EHBP1: variants seen among roughly 807,000 people sequenced by gnomAD.
EHBP1 encodes EH domain-binding protein 1.
A neutral mutation model predicts 144.0 loss-of-function variants in EHBP1; 55 were observed. That is an observed-to-expected ratio of 0.38 (90% confidence interval 0.31 to 0.48). EHBP1 has a LOEUF of 0.48. EHBP1 is among the 20% of genes least tolerant of loss of function. The pLI, the probability that EHBP1 is intolerant of heterozygous loss-of-function variation, is 0.98. For missense variants in EHBP1, 1,200 were observed against 1,364.2 expected, an observed-to-expected ratio of 0.88 and a Z score of 1.90; for synonymous variants, 469 against 472.7, an observed-to-expected ratio of 0.99 and a Z score of 0.10.
rs116661423 is a variant in EHBP1, at chr2:62,810,395, T to G, written c.313-15692T>G. 3.6e-3 allele frequency among the ~76,000 whole-genome samples: 541 copies of G among 152,266 alleles called. 4 individuals carry two copies. The highest frequency in any genetic ancestry group is 0.012 in the African/African-American group (507 of 41,554). ...AGGCTTGCTTGAATTTAGGGAGAAG[T>G]GACAGTAGAGATGGGAAGAAGAGTC... On this transcript the variant is annotated intron_variant, in intron 5 of 22. Transcript: ENST00000431489.
chr2:62,982,178 G>T (rs560694490), intron 15 of EHBP1, among the ~76,000 whole-genome samples: 5 of 152,272 alleles, frequency 3.3e-5, no homozygotes, highest in Admixed American at 6.5e-5. Context: ...GAAATTCAAT[G>T]ATTCATATAC....
chr2:62,987,838 A>G (rs779095204), intron 15 of EHBP1: 5 of 662,258 alleles, frequency 7.5e-6, no homozygotes, highest in Non-Finnish European at 9.8e-6. Context: ...TTGAATAACT[A>G]TACTAAAATA....
chr2:62,926,632 ATC>A (rs1187931467), intron 10 of EHBP1, among the ~76,000 whole-genome samples: 2 of 152,176 alleles, frequency 1.3e-5, no homozygotes, highest in African/African-American at 4.8e-5. Context: ...ACAAAGAGAT[ATC>A]TCTTTCCAGT....
At chr2:62,877,613 A>G (rs777856482) in intron 10 of EHBP1, among the ~76,000 whole-genome samples, 3 of 152,222 alleles carry the variant, frequency 2.0e-5, no homozygotes, top group Admixed American at 6.5e-5. Context: ...CAATTCTCAA[A>G]AAATTCAATA....
chr2:63,029,343 GT>G (rs1203682026), intron 19 of EHBP1, among the ~76,000 whole-genome samples: 12 of 151,714 alleles, frequency 7.9e-5, no homozygotes, highest in African/African-American at 1.2e-4. Context: ...TATAGACTTT[GT>G]TATGGGAGCC....
intron 5 of EHBP1, among the ~76,000 whole-genome samples, chr2:62,803,322 G>A (rs910440971): frequency 6.6e-6 from 1 of 152,004 alleles, no homozygotes; most frequent in African/African-American, 2.4e-5. Flanking sequence ...TCAGTCAAAA[G>A]GGACAGTTAT....
intron 10 of EHBP1, among the ~76,000 whole-genome samples, chr2:62,932,600 A>G (rs769002583): frequency 5.9e-5 from 9 of 152,192 alleles, no homozygotes; most frequent in Non-Finnish European, 7.3e-5. Flanking sequence ...AAAATCAGAA[A>G]GTTCTGGAGA....
intron 2 of EHBP1, among the ~76,000 whole-genome samples, chr2:62,735,188 C>A (rs1261466866): frequency 1.3e-5 from 2 of 152,194 alleles, no homozygotes; most frequent in Non-Finnish European, 2.9e-5. Context: ...AACCACCATT[C>A]CTGGCCCCTT....
intron 10 of EHBP1, among the ~76,000 whole-genome samples, chr2:62,885,763 C>T (rs921769603): frequency 9.2e-5 from 14 of 152,078 alleles, no homozygotes; most frequent in Admixed American, 6.6e-5. Flanking sequence ...AAAAGAGCCC[C>T]ACCGTACATT....
intron 13 of EHBP1, among the ~76,000 whole-genome samples, chr2:62,951,932 T>C (rs1392960061): frequency 6.6e-6 from 1 of 152,206 alleles, no homozygotes; most frequent in Non-Finnish European, 1.5e-5. Context: ...TCAGTAAGCC[T>C]GGAATCTCGT....
At chr2:62,972,963 T>G (rs923277252) in intron 14 of EHBP1, among the ~76,000 whole-genome samples, 69 of 152,342 alleles carry the variant, frequency 4.5e-4, no homozygotes, top group African/African-American at 1.6e-3. Context: ...CATTTGCATT[T>G]TTTTCTATTG....
rs754655343 is a variant in EHBP1 at position 62,979,320 on chromosome 2, T to C, written c.2593T>C (p.Ser865Pro). ...GGCTGCAGAAAAGTTGAAAGAAAGG[T>C]CAAAGGCATCTGGAGGTGAGTTAAA... ...EMAAEKLKER[S>P]KASGEQNSKL... The change falls in exon 15 of 23, where the codon TCA becomes CCA. Residue 865 changes from serine (S) to proline (P), a missense_variant. Around this residue, in one of 6 missense-constraint regions of EHBP1, gnomAD observed 543 missense variants for 513.1 expected, o/e 1.06. Transcript: ENST00000431489. 2.2e-5 allele frequency: 36 copies of C among 1,613,652 alleles called. No individual in the cohort carries two copies. The highest frequency in any genetic ancestry group is 2.9e-5 in the Non-Finnish European group (34 of 1,179,824).
chr2:62,991,399 A>G (rs1004714705), intron 16 of EHBP1, among the ~76,000 whole-genome samples: 8 of 152,188 alleles, frequency 5.3e-5, no homozygotes, highest in Non-Finnish European at 7.4e-5. Context: ...TATGGAAACT[A>G]TTCTTGAGTT....
At chr2:62,887,359 G>GAATGTA (rs1017032649) in intron 10 of EHBP1, among the ~76,000 whole-genome samples, 1 of 152,116 alleles carries the variant, frequency 6.6e-6, no homozygotes, top group Non-Finnish European at 1.5e-5. Flanking sequence ...TTTAAAATGT[G>GAATGTA]AATGTAAATG....
chr2:62,804,511 C>T (rs1238954960), intron 5 of EHBP1, among the ~76,000 whole-genome samples: 2 of 151,938 alleles, frequency 1.3e-5, no homozygotes. Context: ...TTTATTAAAT[C>T]GGTGGGTAAA....
intron 10 of EHBP1, among the ~76,000 whole-genome samples, chr2:62,901,465 C>G (rs927622593): frequency 2.6e-5 from 4 of 151,696 alleles, no homozygotes; most frequent in African/African-American, 9.7e-5. Context: ...GAATTGGGAA[C>G]GTTTAAAAAA....
intron 5 of EHBP1, among the ~76,000 whole-genome samples, chr2:62,796,294 A>G (rs2043532212): frequency 6.6e-6 from 1 of 152,052 alleles, no homozygotes; most frequent in Admixed American, 6.6e-5. Flanking sequence ...CCTTTTCAGC[A>G]TTTTATGAAT....
intron 4 of EHBP1, among the ~76,000 whole-genome samples, chr2:62,768,047 C>T (rs2041338053): frequency 1.3e-5 from 2 of 152,004 alleles, no homozygotes; most frequent in Admixed American, 6.6e-5. Context: ...AAATTCAAAG[C>T]ACTAAATACC....
At chr2:62,800,610 A>G (rs749128582) in intron 5 of EHBP1, among the ~76,000 whole-genome samples, 1 of 152,228 alleles carries the variant, frequency 6.6e-6, no homozygotes, top group African/African-American at 2.4e-5. Context: ...CTAGTGATTT[A>G]TAAATCTTAG....
Sources: gnomAD v4.1 joint callset for allele counts (sites outside exome capture counted in the v4.1 genomes callset) on GRCh38, gnomAD v4.1.1 for gene constraint, gnomAD v4.1.1 regional missense constraint, MANE v1.5 for transcripts, NCBI Gene and HGNC (gene_info 2026-07-23, HGNC 2026-07-21) for gene names.